Variants in IL12RB2 observed in about 807,000 individuals in gnomAD.
IL12RB2 encodes the protein interleukin 12 receptor subunit beta 2.
A neutral mutation model predicts 89.4 loss-of-function variants in IL12RB2; 82 were observed. The observed-to-expected ratio is 0.92, with a 90% CI of 0.77 to 1.10. The LOEUF (loss-of-function observed/expected upper bound fraction) is 1.10. Among genes scored for constraint, IL12RB2 ranks in the 50% least tolerant of loss-of-function variants. IL12RB2 has a pLI of 0.00. For synonymous variants in IL12RB2, 368 were observed against 370.1 expected (o/e 0.99, Z 0.07); for missense variants, 963 against 1,031.9 (o/e 0.93, Z 0.92).
rs35903943 is a variant in IL12RB2, at chr1:67,362,909, G to GTT, written c.1259-4905_1259-4904dup. On this transcript the variant is annotated intron_variant, in intron 10 of 16. Coordinates refer to ENST00000674203, the MANE Select transcript of IL12RB2 (RefSeq NM_001374259.2). ...GGCAAAATACAAACTTTAATTACTC[G>GTT]TTTTTTTTTTTTGTGACGGAGTCTT... 9.8e-3 allele frequency among the ~76,000 whole-genome samples: 1,439 copies of GTT among 146,520 alleles called. 18 individuals are homozygous for GTT. The highest frequency in any genetic ancestry group is 0.023 in the African/African-American group (918 of 39,932).
chr1:67,348,169 T>C (rs573381454), intron 9 of IL12RB2, among the ~76,000 whole-genome samples: 1 of 152,154 alleles, frequency 6.6e-6, no homozygotes, highest in Non-Finnish European at 1.5e-5. Flanking sequence ...ACTCAGAACC[T>C]GCTAACTCTG....
At position 67,321,882 on chromosome 1, in the gene IL12RB2, C is replaced by T. The variant is rs1210187694; in HGVS notation, c.357C>T (p.Phe119=). The change falls in exon 4 of 17, where the codon TTC becomes TTT. Residue 119 remains phenylalanine, a synonymous_variant. Coordinates refer to ENST00000674203, the MANE Select transcript of IL12RB2 (RefSeq NM_001374259.2). The part of the protein sequence containing the change: ...DEIQICGAEI[F]VGVAPEQPQN... ...TTCAAATATGTGGAGCAGAGATCTT[C>T]GTTGGTGGTGAGCATTCCATTTTGA... 6.2e-6 allele frequency: 10 copies of T among 1,612,914 alleles called. No homozygotes were observed. In the Admixed American group the frequency reaches 1.2e-4, roughly 19 times the overall value.
chr1:67,339,561 T>C (rs1255713811), intron 9 of IL12RB2, among the ~76,000 whole-genome samples: 1 of 150,484 alleles, frequency 6.6e-6, no homozygotes, highest in African/African-American at 2.4e-5. Flanking sequence ...AATAAAACAG[T>C]AGTAAATTAG....
chr1:67,356,883 T>C lies in IL12RB2; in HGVS notation c.1258+5794T>C, dbSNP rs539867776. 2.6e-5 allele frequency among the ~76,000 whole-genome samples: 4 copies of C among 152,182 alleles called. No homozygotes were observed. The South Asian group carries it at 8.3e-4, about 32-fold the overall frequency. ...TCAGTATCATAGGAAACAGAACTAA[T>C]GCAACAGATAGTACAAAAGATTAGA... On this transcript the variant is annotated intron_variant, in intron 10 of 16. Transcript: ENST00000674203.
intron 13 of IL12RB2, among the ~76,000 whole-genome samples, chr1:67,379,071 C>T (rs563413879): frequency 1.3e-5 from 2 of 151,254 alleles, no homozygotes; most frequent in Admixed American, 1.3e-4. Flanking sequence ...GTGGCACACA[C>T]CTGTAGTCCC....
At position 67,328,237 on chromosome 1, in the gene IL12RB2, T is replaced by G; in HGVS notation, c.517T>G (p.Cys173Gly). Residue 173 changes from cysteine to glycine, a missense_variant, in exon 6 of 17, where the codon TGT becomes GGT. Cys to Gly is a radical substitution (Grantham distance 159). Coordinates refer to ENST00000674203, the MANE Select transcript of IL12RB2 (RefSeq NM_001374259.2). ...GPKNLTWQKQ[C>G]KDIYCDYLDF... is the part of the protein sequence containing the mutation. ...AAAAAATTTAACCTGGCAGAAGCAA[T>G]GTAAAGACATTTATTGTGACTATTT... 6.2e-7 allele frequency: 1 copy of G among 1,614,172 alleles called. No individual in the cohort carries two copies. Among genetic ancestry groups the G allele is most frequent in the African/African-American group, 1.3e-5 (1 of 75,052 alleles).
chr1:67,362,572 CAAAAAAA>C (rs956277979), intron 10 of IL12RB2, among the ~76,000 whole-genome samples: 24 of 43,342 alleles, frequency 5.5e-4, no homozygotes, highest in East Asian at 1.4e-3. Context: ...GACTCCGTCT[CAAAAAAA>C]AAAAAAAAAA....
At chr1:67,380,211 A>G in intron 14 of IL12RB2, 88 bp downstream of exon 14, 2 of 1,402,786 alleles carry the variant, frequency 1.4e-6, no homozygotes, top group Non-Finnish European at 2.0e-6. Flanking sequence ...AGATAATCAG[A>G]TTTTCTTTAA....
chr1:67,391,667 T>C (rs986671087), intron 16 of IL12RB2, among the ~76,000 whole-genome samples: 96 of 151,378 alleles, frequency 6.3e-4, no homozygotes, highest in Non-Finnish European at 1.2e-3. Context: ...GACAGAGTCT[T>C]GTTCTGTTGC....
chr1:67,387,227 G>C (rs1359822285), intron 15 of IL12RB2, among the ~76,000 whole-genome samples: 1 of 151,638 alleles, frequency 6.6e-6, no homozygotes, highest in African/African-American at 2.4e-5. Flanking sequence ...ACTGCACCAA[G>C]CCTATTCTAT....
rs1165827300 is a variant in IL12RB2, at chr1:67,326,767, A to G, written c.397A>G (p.Ile133Val). Residue 133 changes from isoleucine to valine, a missense_variant, in exon 5 of 17, where the codon ATA becomes GTA. Coordinates refer to ENST00000674203, the MANE Select transcript of IL12RB2 (RefSeq NM_001374259.2). ...AGAACAGCCTCAAAATTTATCCTGC[A>G]TACAGAAGGGAGAACAGGGGACTGT... is the stretch of plus-strand genomic sequence containing the variant. ...APEQPQNLSC[I>V]QKGEQGTVAC... The G allele has an allele frequency of 1.2e-6, 2 of 1,613,780 alleles. No homozygotes were observed. Among genetic ancestry groups the G allele is most frequent in the South Asian group, 2.2e-5 (2 of 91,074 alleles).
chr1:67,396,058 T>A lies in IL12RB2; in HGVS notation c.2558T>A (p.Leu853Ter). The A allele has an allele frequency of 6.2e-7, 1 of 1,608,934 alleles. No homozygotes were observed. Among genetic ancestry groups the A allele is most frequent in the Non-Finnish European group, 8.5e-7 (1 of 1,175,188 alleles). Residue 853 changes from leucine to a stop codon, truncating the protein, a stop_gained, in exon 17 of 17, where the codon TTA becomes TAA. Transcript: ENST00000674203. LOFTEE classifies it high-confidence loss of function. ...SCGDKLTLDQLKMRCDSLML is the reference protein window; with the variant it reads ...SCGDKLTLDQ ...GGTGATAAGCTGACTCTGGATCAGT[T>A]AAAGATGAGGTGTGACTCCCTCATG...
intron 10 of IL12RB2, among the ~76,000 whole-genome samples, chr1:67,352,819 A>G (rs1229074210): frequency 6.6e-6 from 1 of 152,252 alleles, no homozygotes; most frequent in African/African-American, 2.4e-5. Flanking sequence ...CTGAGAAACC[A>G]AATCAGACTG....
chr1:67,347,092 A>G (rs1315845718), intron 9 of IL12RB2, among the ~76,000 whole-genome samples: 1 of 152,222 alleles, frequency 6.6e-6, no homozygotes, highest in East Asian at 1.9e-4. Flanking sequence ...TGAGGCTCAA[A>G]AAGGGAAAAT....
chr1:67,372,474 T>C lies in IL12RB2; in HGVS notation c.1498T>C (p.Tyr500His). 6.3e-7 allele frequency: 1 copy of C among 1,598,556 alleles called. No individual in the cohort carries two copies. The highest frequency in any genetic ancestry group is 1.1e-5 in the South Asian group (1 of 90,764). The stretch of plus-strand genomic sequence containing the variant: ...CTACATCTGTTATGAAATCCGTGTG[T>C]ATGCACTCTCAGGGGATCAAGGAGG... ...KSYICYEIRV[Y>H]ALSGDQGGCS... The change falls in exon 12 of 17, where the codon TAT becomes CAT. Residue 500 changes from tyrosine to histidine, a missense_variant. Transcript: ENST00000674203.
chr1:67,366,139 G>T (rs1662637894), intron 10 of IL12RB2, among the ~76,000 whole-genome samples: 1 of 152,108 alleles, frequency 6.6e-6, no homozygotes, highest in South Asian at 2.1e-4. Flanking sequence ...TATATGAAAA[G>T]AAGCTTAGCT....
At chr1:67,386,725 G>A in intron 15 of IL12RB2, 56 bp downstream of exon 15, 1 of 1,127,860 alleles carries the variant, frequency 8.9e-7, no homozygotes, top group Non-Finnish European at 1.4e-6. Context: ...AATGATAATA[G>A]CTGTTGCTGC....
At position 67,351,260 on chromosome 1, in the gene IL12RB2, T is replaced by C. The variant is rs560346196; in HGVS notation, c.1258+171T>C. Among the ~76,000 whole-genome samples, 177 of 152,192 alleles carry C rather than the reference T, an allele frequency of 1.2e-3. 1 individual carries two copies. Among genetic ancestry groups the C allele is most frequent in the Non-Finnish European group, 1.1e-3 (77 of 68,014 alleles). ...TTTTCCAATCAGCCTATGAGTAGCC[T>C]TGGACAAGTAAATGAACACCTCTGA... On this transcript the variant is annotated intron_variant, in intron 10 of 16. Coordinates refer to ENST00000674203, the MANE Select transcript of IL12RB2 (RefSeq NM_001374259.2).
At chr1:67,325,088 C>A (rs1569781582) in intron 4 of IL12RB2, among the ~76,000 whole-genome samples, 1 of 152,240 alleles carries the variant, frequency 6.6e-6, no homozygotes, top group Non-Finnish European at 1.5e-5. Context: ...TGAGGTTAAT[C>A]TGAATGCATC....
Sources: allele counts gnomAD v4.1 joint callset (sites outside exome capture counted in the v4.1 genomes callset), GRCh38; gene constraint gnomAD v4.1.1; transcripts MANE v1.5; gene names NCBI Gene and HGNC (gene_info 2026-07-23, HGNC 2026-07-21).